SBNO1: variants seen among roughly 807,000 people sequenced by gnomAD.
The protein encoded by SBNO1 is strawberry notch homolog 1.
Under a neutral mutation model 173.6 loss-of-function variants are expected in SBNO1, and 23 were observed. The observed-to-expected ratio is 0.13, with a 90% CI of 0.10 to 0.19. The LOEUF is 0.19. Among genes scored for constraint, SBNO1 ranks in the 10% least tolerant of loss-of-function variants. The pLI is 1.00. For missense variants in SBNO1, 1,238 were observed against 1,671.2 expected (o/e 0.74, Z 4.52); for synonymous variants, 632 against 571.5 (o/e 1.11, Z -1.51).
In SBNO1 at chr12:123,341,093, G is replaced by T; in HGVS notation, c.551-5C>A. The T allele has an allele frequency of 1.4e-6, 2 of 1,453,640 alleles. No individual in the cohort carries two copies. The highest frequency in any genetic ancestry group is 1.9e-6 in the Non-Finnish European group (2 of 1,067,048). The allele number at this position is 1,453,640 out of a possible 1,614,324, so 90.0% of individuals were successfully genotyped here. ...CTGTACCATTGCTTACATCAGCTGA[G>T]GAGGAAAAAGTCAAATTACATTTAG... On this transcript the variant is annotated splice_region_variant and splice_polypyrimidine_tract_variant and intron_variant, in intron 4 of 31. Coordinates refer to ENST00000602398, the MANE Select transcript of SBNO1 (RefSeq NM_001167856.3).
intron 15 of SBNO1, 99 bp downstream of exon 15, chr12:123,325,403 G>A (rs1439121816): frequency 7.6e-6 from 6 of 786,502 alleles, no homozygotes; most frequent in African/African-American, 6.9e-5. Flanking sequence ...GATGATGCAG[G>A]TGAAACAAAA....
chr12:123,296,363 C>CT (rs1310769999), intron 31 of SBNO1, among the ~76,000 whole-genome samples: 26 of 120,714 alleles, frequency 2.2e-4, no homozygotes, highest in African/African-American at 6.7e-4. Flanking sequence ...TATGTATTAT[C>CT]TTTTAATGCA....
intron 1 of SBNO1, among the ~76,000 whole-genome samples, chr12:123,360,916 T>G (rs562567681): frequency 1.2e-3 from 178 of 151,944 alleles, no homozygotes; most frequent in Non-Finnish European, 2.0e-3. Flanking sequence ...ATCGAGACCA[T>G]CCTGGCCAAC....
chr12:123,364,495 G>A (rs1289775380), intron 1 of SBNO1: 25 of 983,906 alleles, frequency 2.5e-5, no homozygotes, highest in Non-Finnish European at 1.6e-5. Context: ...GAGGAAGCGA[G>A]TACAACGGAG....
intron 1 of SBNO1, among the ~76,000 whole-genome samples, chr12:123,355,016 C>T (rs1367957425): frequency 6.6e-6 from 1 of 151,926 alleles, no homozygotes; most frequent in African/African-American, 2.4e-5. Context: ...AAAGGGAGAC[C>T]CTGTTTCTTT....
At chr12:123,326,086 C>A in intron 14 of SBNO1, 66 bp downstream of exon 14, 1 of 1,132,414 alleles carries the variant, frequency 8.8e-7, no homozygotes, top group Non-Finnish European at 1.2e-6. Context: ...AGCAGAAAAC[C>A]TCAGCACCCA....
intron 3 of SBNO1, among the ~76,000 whole-genome samples, chr12:123,347,701 G>A (rs1420324626): frequency 6.6e-6 from 1 of 151,822 alleles, no homozygotes; most frequent in East Asian, 1.9e-4. Context: ...GCTAATTTTT[G>A]TATTTTTAGT....
intron 3 of SBNO1, among the ~76,000 whole-genome samples, chr12:123,347,394 T>C (rs1873317903): frequency 6.7e-6 from 1 of 150,122 alleles, no homozygotes; most frequent in Admixed American, 6.6e-5. Context: ...ACCCGGCTAA[T>C]TTTTTGTATT....
intron 2 of SBNO1, 45 bp downstream of exon 2, chr12:123,350,265 G>A: frequency 1.2e-6 from 2 of 1,606,544 alleles, no homozygotes; most frequent in Non-Finnish European, 1.7e-6. Flanking sequence ...AAAAAATACT[G>A]TAAGCGGAAA....
intron 1 of SBNO1, among the ~76,000 whole-genome samples, chr12:123,356,196 TCA>T (rs1159038383): frequency 6.6e-5 from 10 of 152,194 alleles, no homozygotes; most frequent in Admixed American, 6.6e-4. Flanking sequence ...CTTCTCTGAC[TCA>T]GTTTCCTCAT....
intron 4 of SBNO1, among the ~76,000 whole-genome samples, chr12:123,345,055 C>G (rs1337363314): frequency 6.6e-6 from 1 of 152,146 alleles, no homozygotes; most frequent in African/African-American, 2.4e-5. Context: ...TCCTAGAAAT[C>G]ACATTTCAAA....
intron 1 of SBNO1, among the ~76,000 whole-genome samples, chr12:123,358,765 A>G (rs1301213625): frequency 6.5e-4 from 37 of 56,606 alleles, no homozygotes; most frequent in African/African-American, 1.4e-3. Context: ...AAAAAAAAAA[A>G]AAGAAGAAGA....
intron 1 of SBNO1, among the ~76,000 whole-genome samples, chr12:123,350,899 A>T (rs775176999): frequency 6.6e-6 from 1 of 152,204 alleles, no homozygotes; most frequent in Non-Finnish European, 1.5e-5. Flanking sequence ...AGCCAGGTGG[A>T]TCACCTAAGT....
chr12:123,325,570 T>C lies in SBNO1; in HGVS notation c.1905A>G (p.Gly635=), dbSNP rs377298579. 5 of 1,612,914 alleles carry C rather than the reference T, an allele frequency of 3.1e-6. 1 individual carries two copies. The highest frequency in any genetic ancestry group is 2.7e-5 in the African/African-American group (2 of 74,926). ...KCVVIGLQST[G]EARTLEALEE... The stretch of plus-strand genomic sequence containing the variant: ...CCAAAGCTTCTAATGTTCTAGCTTC[T>C]CCTGTAGACTGCAGACCAATTACAA... The change falls in exon 15 of 32, where the codon GGA becomes GGG. Residue 635 remains glycine (G), a synonymous_variant. Coordinates refer to ENST00000602398, the MANE Select transcript of SBNO1 (RefSeq NM_001167856.3).
At position 123,295,925 on chromosome 12, in the gene SBNO1, TG is replaced by T; in HGVS notation, c.4164del (p.Asn1389ThrfsTer2). 6.2e-7 allele frequency: 1 copy of T among 1,613,436 alleles called. No individual in the cohort carries two copies. ...TCTGTTCTTCATGCGTTGCTCAAGT[TG>T]GTGATGCTCTGAGGGTGATGCTGTT... ...LWQQHHPQSI[T>X]NLSNA On this transcript the variant is annotated frameshift_variant, in exon 32 of 32. Transcript: ENST00000602398. LOFTEE classifies it high-confidence loss of function.
chr12:123,297,962 C>G lies in SBNO1; in HGVS notation c.4039+16G>C. ...TTTTTTCCTGCAACTCAAACCAAAA[C>G]AAAAATTAGACTCACCTACAATCCG... On this transcript the variant is annotated intron_variant, in intron 31 of 31. Transcript: ENST00000602398. 1 of 1,608,324 alleles carries G rather than the reference C, an allele frequency of 6.2e-7. No homozygotes were observed. Among genetic ancestry groups the G allele is most frequent in the Non-Finnish European group, 8.5e-7 (1 of 1,178,472 alleles).
intron 1 of SBNO1, among the ~76,000 whole-genome samples, chr12:123,358,513 G>A (rs1028213704): frequency 1.3e-5 from 2 of 151,980 alleles, no homozygotes; most frequent in African/African-American, 2.4e-5. Context: ...CAGCACTTTG[G>A]GAGGCCGAGG....
chr12:123,311,724 A>ATC (rs1354447042), intron 24 of SBNO1, among the ~76,000 whole-genome samples: 4,529 of 62,666 alleles, frequency 0.072, 77 homozygotes, highest in Middle Eastern at 0.18. Context: ...ATCTATCTAT[A>ATC]TATATATATA....
chr12:123,347,077 CAAA>C (rs397957462), intron 3 of SBNO1, among the ~76,000 whole-genome samples: 4 of 109,670 alleles, frequency 3.6e-5, no homozygotes, highest in Admixed American at 9.3e-5. Flanking sequence ...GTCTCCGTCT[CAAA>C]AAAAAAAAAA....
Sources: gnomAD v4.1 joint callset for allele counts (sites outside exome capture counted in the v4.1 genomes callset) on GRCh38, gnomAD v4.1.1 for gene constraint, MANE v1.5 for transcripts, NCBI Gene and HGNC (gene_info 2026-07-23, HGNC 2026-07-21) for gene names.